Variants in JARID2 observed in about 807,000 individuals in gnomAD.
JARID2 encodes the protein jumonji and AT-rich interaction domain containing 2, also known as protein Jumonji.
In JARID2, 21 loss-of-function variants were observed where a neutral mutation model predicts 125.6. The ratio of observed to expected loss-of-function variants is 0.17; its 90% CI spans 0.12 to 0.24. The LOEUF is 0.24. Ranked by LOEUF, JARID2 falls within the 10% of genes least tolerant of loss-of-function variation. The pLI, the probability that JARID2 is intolerant of heterozygous loss-of-function variation, is 1.00. For synonymous variants in JARID2, 736 were observed against 661.6 expected (o/e 1.11, Z -1.73); for missense variants, 1,303 against 1,639.6 (o/e 0.79, Z 3.55).
intron 2 of JARID2, among the ~76,000 whole-genome samples, chr6:15,389,371 C>CT (rs1554130906): frequency 2.0e-5 from 3 of 152,158 alleles, no homozygotes; most frequent in African/African-American, 7.2e-5. Flanking sequence ...ATTGCCCAGG[C>CT]TGGAACACTG....
At position 15,513,200 on chromosome 6, in the gene JARID2, C is replaced by A. The variant is rs1412160279; in HGVS notation, c.3267-39C>A. 6 of 1,554,574 alleles carry A rather than the reference C, an allele frequency of 3.9e-6. No individual in the cohort carries two copies. The African/African-American group carries it at 8.2e-5, about 21-fold the overall frequency. On this transcript the variant is annotated intron_variant, in intron 15 of 17. Transcript: ENST00000341776. ...CCCCTCTGCTGGTGAGCATGGCAGG[C>A]CGTCACTAAAGGTGCGGGCCGTCTC...
At chr6:15,413,859 T>TC (rs553577874) in intron 3 of JARID2, among the ~76,000 whole-genome samples, 29 of 152,310 alleles carry the variant, frequency 1.9e-4, no homozygotes, top group African/African-American at 7.0e-4. Context: ...TGTAATCACT[T>TC]CTTAAGATCT....
chr6:15,488,749 G>GTT (rs1403618108), intron 6 of JARID2, among the ~76,000 whole-genome samples: 3 of 152,286 alleles, frequency 2.0e-5, no homozygotes, highest in African/African-American at 7.2e-5. Flanking sequence ...ATAGTATGCA[G>GTT]TTGGGGGGGT....
At chr6:15,428,708 C>G (rs538025863) in intron 3 of JARID2, among the ~76,000 whole-genome samples, 1 of 152,154 alleles carries the variant, frequency 6.6e-6, no homozygotes, top group African/African-American at 2.4e-5. Context: ...GAGTTCGAGA[C>G]CAGCCTGGCC....
intron 3 of JARID2, among the ~76,000 whole-genome samples, chr6:15,440,555 G>A (rs985750918): frequency 6.6e-6 from 1 of 152,194 alleles, no homozygotes; most frequent in African/African-American, 2.4e-5. Context: ...GGGATATTCT[G>A]GGTATTGTTA....
chr6:15,342,537 C>G (rs143148795), intron 1 of JARID2, among the ~76,000 whole-genome samples: 1 of 152,318 alleles, frequency 6.6e-6, no homozygotes, highest in East Asian at 1.9e-4. Flanking sequence ...TGATCTAATT[C>G]TGTGCTGTTG....
chr6:15,429,378 G>C (rs1318289367), intron 3 of JARID2, among the ~76,000 whole-genome samples: 1 of 151,696 alleles, frequency 6.6e-6, no homozygotes, highest in Non-Finnish European at 1.5e-5. Flanking sequence ...CAGTCATCTC[G>C]CCTCAGCCTC....
intron 4 of JARID2, among the ~76,000 whole-genome samples, chr6:15,464,374 C>G (rs1262696824): frequency 6.6e-6 from 1 of 152,174 alleles, no homozygotes; most frequent in Admixed American, 6.5e-5. Context: ...TTCTGTTTGT[C>G]TATGACGTTG....
intron 4 of JARID2, among the ~76,000 whole-genome samples, chr6:15,462,988 C>G (rs1324954067): frequency 6.6e-6 from 1 of 152,168 alleles, no homozygotes; most frequent in Non-Finnish European, 1.5e-5. Flanking sequence ...GGAGACATTG[C>G]CAGCTAATTC....
chr6:15,274,154 T>C (rs977859961), intron 1 of JARID2, among the ~76,000 whole-genome samples: 2 of 152,188 alleles, frequency 1.3e-5, no homozygotes, highest in African/African-American at 2.4e-5. Context: ...GGTCTTGAAC[T>C]CCTCACCTCA....
chr6:15,376,981 G>C (rs1764379994), intron 2 of JARID2, among the ~76,000 whole-genome samples: 1 of 152,162 alleles, frequency 6.6e-6, no homozygotes. Flanking sequence ...GTGTCTGTGT[G>C]TCTTTGTGTA....
intron 17 of JARID2, among the ~76,000 whole-genome samples, chr6:15,517,814 C>T (rs890441214): frequency 1.3e-5 from 2 of 152,246 alleles, no homozygotes; most frequent in Non-Finnish European, 2.9e-5. Flanking sequence ...GGCGGAACTC[C>T]TGGCAGCAGT....
chr6:15,424,751 C>T (rs1378765568), intron 3 of JARID2, among the ~76,000 whole-genome samples: 2 of 152,136 alleles, frequency 1.3e-5, no homozygotes, highest in Non-Finnish European at 2.9e-5. Context: ...CCCAGCTACT[C>T]AGGAGGCTGA....
chr6:15,258,271 G>A (rs1184022222), intron 1 of JARID2, among the ~76,000 whole-genome samples: 3 of 152,188 alleles, frequency 2.0e-5, no homozygotes, highest in Non-Finnish European at 2.9e-5. Context: ...TTACAGTTTA[G>A]TTGGCAGCAG....
intron 1 of JARID2, among the ~76,000 whole-genome samples, chr6:15,301,295 C>A (rs912129906): frequency 7.9e-5 from 12 of 152,098 alleles, no homozygotes; most frequent in African/African-American, 2.9e-4. Context: ...TATTAGCAGA[C>A]CTTTAATGCA....
intron 1 of JARID2, among the ~76,000 whole-genome samples, chr6:15,294,136 G>C (rs1235552750): frequency 1.3e-5 from 2 of 152,152 alleles, no homozygotes; most frequent in Non-Finnish European, 2.9e-5. Context: ...AAAGCTTCCA[G>C]GAAAAGGAAG....
intron 1 of JARID2, among the ~76,000 whole-genome samples, chr6:15,367,549 A>G (rs1399915933): frequency 6.6e-6 from 1 of 152,132 alleles, no homozygotes; most frequent in Non-Finnish European, 1.5e-5. Flanking sequence ...CTACTAACAC[A>G]TTTCTGAGTT....
chr6:15,268,943 A>G (rs1760192928), intron 1 of JARID2, among the ~76,000 whole-genome samples: 1 of 152,218 alleles, frequency 6.6e-6, no homozygotes, highest in Non-Finnish European at 1.5e-5. Context: ...TAAACCTCTT[A>G]AAGTCAGGCG....
At chr6:15,321,934 A>G (rs991063080) in intron 1 of JARID2, among the ~76,000 whole-genome samples, 32 of 151,620 alleles carry the variant, frequency 2.1e-4, no homozygotes, top group Non-Finnish European at 3.4e-4. Flanking sequence ...CTGGGATTAC[A>G]CTGCCCAGCA....
Sources: gnomAD v4.1 joint callset for allele counts (sites outside exome capture counted in the v4.1 genomes callset) on GRCh38, gnomAD v4.1.1 for gene constraint, MANE v1.5 for transcripts, NCBI Gene and HGNC (gene_info 2026-07-23, HGNC 2026-07-21) for gene names.